Variants in IKZF3 observed in about 807,000 individuals in gnomAD.
IKZF3 encodes IKAROS family zinc finger 3, also known as zinc finger protein Aiolos.
IKZF3 carries 10 observed loss-of-function variants against 49.0 expected under a neutral mutation model. The ratio of observed to expected loss-of-function variants is 0.20; its 90% confidence interval spans 0.13 to 0.35. The LOEUF (loss-of-function observed/expected upper bound fraction) is 0.35, where lower values mean the gene tolerates loss of function less well. IKZF3 is among the 10% of genes least tolerant of loss of function. IKZF3 has a pLI of 1.00. For synonymous variants in IKZF3, 209 were observed against 228.2 expected (o/e 0.92, Z 0.76); for missense variants, 498 against 664.8 (o/e 0.75, Z 2.76).
chr17:39,766,561 T>A, intron 7 of IKZF3, 68 bp from the exon 8 acceptor site: 1 of 1,334,006 alleles, frequency 7.5e-7, no homozygotes, highest in South Asian at 1.3e-5. Flanking sequence ...AAATATTTTC[T>A]AGAGACCTCA....
In IKZF3 at chr17:39,832,097, C is replaced by T; in HGVS notation, c.61+1G>A. On this transcript the variant is annotated splice_donor_variant, in intron 2 of 7. Transcript: ENST00000346872. LOFTEE classifies it high-confidence loss of function. Reference sequence around the variant, plus strand: ...TCCAGAGAGGAAAGACCTGATGTTACCTGCGGGCACAGACTGCTCCTGAGT... The same window carrying T: ...TCCAGAGAGGAAAGACCTGATGTTATCTGCGGGCACAGACTGCTCCTGAGT... 1 of 1,608,658 alleles carries T rather than the reference C, an allele frequency of 6.2e-7. No homozygotes were observed. Among genetic ancestry groups the T allele is most frequent in the Non-Finnish European group, 8.5e-7 (1 of 1,175,858 alleles).
At chr17:39,773,818 T>C (rs1400242023) in intron 7 of IKZF3, among the ~76,000 whole-genome samples, 1 of 152,084 alleles carries the variant, frequency 6.6e-6, no homozygotes, top group African/African-American at 2.4e-5. Flanking sequence ...GAGAACAAGA[T>C]TCAGAGAAAG....
intron 1 of IKZF3, among the ~76,000 whole-genome samples, chr17:39,852,171 C>A (rs2062896454): frequency 6.6e-6 from 1 of 152,186 alleles, no homozygotes; most frequent in African/African-American, 2.4e-5. Flanking sequence ...AAATGTCACT[C>A]ATCTTTGAAA....
chr17:39,765,389 T>C lies in IKZF3; in HGVS notation c.*401A>G, dbSNP rs550789387. 1 of 164,332 alleles carries C rather than the reference T, an allele frequency of 6.1e-6. No homozygotes were observed. The highest frequency in any genetic ancestry group is 1.7e-4 in the South Asian group (1 of 5,910). 10.2% of individuals were successfully genotyped at this position (164,332 alleles called of 1,614,324 possible). A position where few individuals can be genotyped will look rare whatever the true frequency, so the allele number is the denominator to read the frequency against. On this transcript the variant is annotated 3_prime_UTR_variant, in exon 8 of 8. Transcript: ENST00000346872. ...GGTGAGGCTTCCCAGCAAGGTCAGC[T>C]GGTCAGCTCTTCCTCTTTGTGGATT...
At chr17:39,854,604 G>A (rs975784741) in intron 1 of IKZF3, among the ~76,000 whole-genome samples, 1 of 152,212 alleles carries the variant, frequency 6.6e-6, no homozygotes, top group Admixed American at 6.5e-5. Context: ...CTCTTAGAAT[G>A]AGGGATGGCT....
chr17:39,779,978 T>C (rs1055216774), intron 6 of IKZF3, among the ~76,000 whole-genome samples: 2 of 152,116 alleles, frequency 1.3e-5, no homozygotes, highest in African/African-American at 4.8e-5. Context: ...GGCAGGAAGA[T>C]TGCTTGAGGC....
In IKZF3 at chr17:39,861,976, A is replaced by AT. The variant is rs546581008; in HGVS notation, c.7+2143dup. Reference sequence around the variant, plus strand: ...TTTTACATTAAATAAGAAGTCTGCCATTACCTGTGAAATTCATGTTTGTGA... The same window carrying AT: ...TTTTACATTAAATAAGAAGTCTGCCATTTACCTGTGAAATTCATGTTTGTGA... On this transcript the variant is annotated intron_variant, in intron 1 of 7. Transcript: ENST00000346872. Among the ~76,000 whole-genome samples the AT allele has an allele frequency of 4.5e-3, 679 of 152,298 alleles. 24 individuals carry two copies. Among genetic ancestry groups the AT allele is most frequent in the Non-Finnish European group, 9.0e-4 (61 of 68,012 alleles).
chr17:39,831,323 G>A (rs1413813617), intron 2 of IKZF3, among the ~76,000 whole-genome samples: 2 of 150,008 alleles, frequency 1.3e-5, no homozygotes, highest in African/African-American at 2.5e-5. Context: ...GTGGTGAGCC[G>A]AGATCACACC....
intron 1 of IKZF3, among the ~76,000 whole-genome samples, chr17:39,858,207 C>T (rs926279677): frequency 2.0e-5 from 3 of 151,980 alleles, no homozygotes; most frequent in Non-Finnish European, 2.9e-5. Context: ...ATCTGTAATC[C>T]TAGCACTTTG....
intron 6 of IKZF3, among the ~76,000 whole-genome samples, chr17:39,778,997 GC>G (rs2060660992): frequency 6.6e-6 from 1 of 152,178 alleles, no homozygotes; most frequent in Non-Finnish European, 1.5e-5. Flanking sequence ...TGGTATAGGG[GC>G]CTAGGCAAGA....
At chr17:39,770,260 G>A (rs948078323) in intron 7 of IKZF3, among the ~76,000 whole-genome samples, 2 of 152,164 alleles carry the variant, frequency 1.3e-5, no homozygotes, top group Admixed American at 1.3e-4. Flanking sequence ...GGAGCATCTG[G>A]TCCAGCTTCT....
At chr17:39,839,863 T>C (rs2062414915) in intron 1 of IKZF3, among the ~76,000 whole-genome samples, 1 of 152,194 alleles carries the variant, frequency 6.6e-6, no homozygotes, top group Non-Finnish European at 1.5e-5. Context: ...TCTCGCCATG[T>C]TGCCCAGGCT....
chr17:39,779,138 TCAGCAGGCAGTGCCC>T (rs1418521057), intron 6 of IKZF3, among the ~76,000 whole-genome samples: 6 of 152,166 alleles, frequency 3.9e-5, no homozygotes, highest in Non-Finnish European at 5.9e-5. Flanking sequence ...TTACCTCAAT[TCAGCAGGCAGTGCCC>T]AAATTTATGT....
At chr17:39,772,009 A>C (rs1171325461) in intron 7 of IKZF3, among the ~76,000 whole-genome samples, 1 of 151,970 alleles carries the variant, frequency 6.6e-6, no homozygotes, top group Non-Finnish European at 1.5e-5. Flanking sequence ...TGGTCTCCTA[A>C]AGTGCTGGGA....
At chr17:39,824,849 C>G (rs1028756197) in intron 3 of IKZF3, among the ~76,000 whole-genome samples, 3 of 152,138 alleles carry the variant, frequency 2.0e-5, no homozygotes, top group Non-Finnish European at 4.4e-5. Flanking sequence ...GTGCCCACCA[C>G]CACACCTGGC....
chr17:39,802,443 C>CA (rs1158555904), intron 3 of IKZF3, among the ~76,000 whole-genome samples: 2 of 150,614 alleles, frequency 1.3e-5, no homozygotes, highest in Non-Finnish European at 3.0e-5. Context: ...CCTGTCTCTA[C>CA]AAAAAATCAA....
At chr17:39,852,003 C>T (rs1375860830) in intron 1 of IKZF3, among the ~76,000 whole-genome samples, 1 of 152,128 alleles carries the variant, frequency 6.6e-6, no homozygotes, top group Non-Finnish European at 1.5e-5. Flanking sequence ...TAGCTTAAAA[C>T]TCACGTGGTA....
At chr17:39,825,409 G>T (rs2061930118) in intron 3 of IKZF3, among the ~76,000 whole-genome samples, 1 of 152,200 alleles carries the variant, frequency 6.6e-6, no homozygotes, top group Non-Finnish European at 1.5e-5. Context: ...AGGCAGAAAA[G>T]AGGAATGAGG....
At chr17:39,805,626 T>G (rs1053957508) in intron 3 of IKZF3, among the ~76,000 whole-genome samples, 4 of 152,196 alleles carry the variant, frequency 2.6e-5, no homozygotes, top group African/African-American at 9.6e-5. Context: ...TGAGAAATAA[T>G]AGAAGAAACT....
Sources: allele counts gnomAD v4.1 joint callset (sites outside exome capture counted in the v4.1 genomes callset), GRCh38; gene constraint gnomAD v4.1.1; transcripts MANE v1.5; gene names NCBI Gene and HGNC (gene_info 2026-07-23, HGNC 2026-07-21).